SCFD2: variants seen among roughly 807,000 people sequenced by gnomAD.
The protein encoded by SCFD2 is sec1 family domain-containing protein 2.
In SCFD2, 54 loss-of-function variants were observed where a neutral mutation model predicts 58.9. The observed-to-expected ratio is 0.92, with a 90% confidence interval of 0.74 to 1.15. The LOEUF is 1.15. SCFD2 is among the 50% of genes most tolerant of loss of function. The probability of loss-of-function intolerance (pLI) is 0.00; values close to 1 mark genes in which losing one functional copy is unlikely to be tolerated. For synonymous variants in SCFD2, 321 were observed against 335.9 expected, an observed-to-expected ratio of 0.96 and a Z score of 0.49; for missense variants, 805 against 836.6, an observed-to-expected ratio of 0.96 and a Z score of 0.47.
intron 1 of SCFD2, among the ~76,000 whole-genome samples, chr4:53,359,779 A>G (rs1344916432): frequency 6.6e-6 from 1 of 152,206 alleles, no homozygotes; most frequent in African/African-American, 2.4e-5. Context: ...ATCCATTAAA[A>G]ATGTGAGCAT....
At chr4:52,949,520 T>G (rs1720531854) in intron 5 of SCFD2, 1 of 152,162 alleles carries the variant, frequency 6.6e-6, no homozygotes, top group African/African-American at 2.4e-5. Flanking sequence ...AACCAACAGG[T>G]GTTCTCTCTT....
At chr4:53,018,891 G>C (rs775190041) in intron 5 of SCFD2, among the ~76,000 whole-genome samples, 6 of 152,250 alleles carry the variant, frequency 3.9e-5, no homozygotes, top group South Asian at 2.1e-4. Flanking sequence ...CTCTCACAGT[G>C]TATACTCAAG....
chr4:53,007,305 G>GGAGAGAGAGAGGGAGAGAGAGA (rs1721991574), intron 5 of SCFD2, among the ~76,000 whole-genome samples: 1 of 66,072 alleles, frequency 1.5e-5, no homozygotes, highest in Non-Finnish European at 2.7e-5. Context: ...AGAGGGAGAG[G>GGAGAGAGAGAGGGAGAGAGAGA]GAGAGAGAGA....
chr4:53,197,561 T>C (rs1242765693), intron 4 of SCFD2, among the ~76,000 whole-genome samples: 11 of 152,090 alleles, frequency 7.2e-5, no homozygotes, highest in Admixed American at 7.2e-4. Flanking sequence ...AATATTAAGA[T>C]GTCTTAAACA....
At chr4:53,136,053 T>C (rs1445321728) in intron 5 of SCFD2, among the ~76,000 whole-genome samples, 1 of 152,236 alleles carries the variant, frequency 6.6e-6, no homozygotes, top group Non-Finnish European at 1.5e-5. Context: ...AATTTATCTT[T>C]TATAAATCAC....
chr4:53,076,565 G>A (rs1441390344), intron 5 of SCFD2, among the ~76,000 whole-genome samples: 1 of 152,148 alleles, frequency 6.6e-6, no homozygotes, highest in Non-Finnish European at 1.5e-5. Context: ...CCTCGTAACT[G>A]TCAGGAGCAG....
chr4:53,022,924 A>G (rs1722383577), intron 5 of SCFD2, among the ~76,000 whole-genome samples: 1 of 152,204 alleles, frequency 6.6e-6, no homozygotes, highest in Non-Finnish European at 1.5e-5. Flanking sequence ...TTTATTGTAT[A>G]AATGAATGAA....
intron 2 of SCFD2, among the ~76,000 whole-genome samples, chr4:53,329,126 G>A (rs1733328725): frequency 6.6e-6 from 1 of 152,202 alleles, no homozygotes; most frequent in Non-Finnish European, 1.5e-5. Context: ...TGCTAGCACA[G>A]CAGTCTGAGA....
chr4:53,208,626 C>G (rs1237993784), intron 4 of SCFD2, among the ~76,000 whole-genome samples: 1 of 152,174 alleles, frequency 6.6e-6, no homozygotes, highest in Non-Finnish European at 1.5e-5. Flanking sequence ...ACCATGGCAG[C>G]AAAGGCTAAG....
intron 5 of SCFD2, among the ~76,000 whole-genome samples, chr4:52,973,081 G>C (rs1466904394): frequency 1.3e-5 from 2 of 151,990 alleles, no homozygotes; most frequent in African/African-American, 4.8e-5. Flanking sequence ...ATCTAAAATT[G>C]ACACCCTAAC....
intron 4 of SCFD2, among the ~76,000 whole-genome samples, chr4:53,236,042 G>A (rs1180422839): frequency 6.6e-6 from 1 of 152,176 alleles, no homozygotes; most frequent in East Asian, 1.9e-4. Context: ...AGGATACGAA[G>A]TATTGATTCT....
intron 3 of SCFD2, among the ~76,000 whole-genome samples, chr4:53,295,493 G>A (rs547491320): frequency 3.9e-5 from 6 of 152,172 alleles, no homozygotes; most frequent in East Asian, 1.9e-4. Context: ...ACTTTGTATC[G>A]TGAGACTTTG....
intron 5 of SCFD2, among the ~76,000 whole-genome samples, chr4:53,003,023 C>T (rs73149140): frequency 0.015 from 2,286 of 152,282 alleles, 60 homozygotes; most frequent in African/African-American, 0.052. Context: ...AGCAGAACAG[C>T]ACTGAGGGGA....
At chr4:53,145,632 A>G (rs747592187) in intron 4 of SCFD2, 50 bp from the exon 5 acceptor site, 1 of 1,513,146 alleles carries the variant, frequency 6.6e-7, no homozygotes, top group Admixed American at 1.8e-5. Context: ...TAAAGACATA[A>G]TTTATGGATT....
At chr4:53,353,237 C>G (rs187188824) in intron 1 of SCFD2, among the ~76,000 whole-genome samples, 2 of 152,260 alleles carry the variant, frequency 1.3e-5, no homozygotes, top group Admixed American at 1.3e-4. Context: ...TGTTACAGCT[C>G]TTAAGGCAGC....
At chr4:53,124,472 A>G (rs1725569319) in intron 5 of SCFD2, among the ~76,000 whole-genome samples, 1 of 152,234 alleles carries the variant, frequency 6.6e-6, no homozygotes, top group Non-Finnish European at 1.5e-5. Context: ...TGTGAAAGAA[A>G]AATAGGAGAC....
chr4:53,276,044 A>G (rs1182452938), intron 3 of SCFD2, among the ~76,000 whole-genome samples: 5 of 150,752 alleles, frequency 3.3e-5, no homozygotes, highest in African/African-American at 7.4e-5. Flanking sequence ...GTGTGTGTGT[A>G]TACATATGTT....
chr4:52,930,394 A>C (rs1719963145), intron 5 of SCFD2, among the ~76,000 whole-genome samples: 1 of 152,200 alleles, frequency 6.6e-6, no homozygotes, highest in South Asian at 2.1e-4. Flanking sequence ...AAAACCTAAA[A>C]CTAGGAGAAA....
chr4:52,928,643 A>C (rs1402782600), intron 5 of SCFD2, among the ~76,000 whole-genome samples: 3 of 152,100 alleles, frequency 2.0e-5, no homozygotes, highest in African/African-American at 4.8e-5. Flanking sequence ...GGTGCACTGA[A>C]TCCTGCTTGG....
Sources: gnomAD v4.1 joint callset for allele counts (sites outside exome capture counted in the v4.1 genomes callset) on GRCh38, gnomAD v4.1.1 for gene constraint, MANE v1.5 for transcripts, NCBI Gene and HGNC (gene_info 2026-07-23, HGNC 2026-07-21) for gene names.